Variants in HS3ST3B1 observed in about 807,000 individuals in gnomAD.
HS3ST3B1 encodes heparan sulfate-glucosamine 3-sulfotransferase 3B1.
HS3ST3B1 carries 13 observed loss-of-function variants against 21.3 expected under a neutral mutation model. The ratio of observed to expected loss-of-function variants is 0.61; its 90% confidence interval spans 0.40 to 0.97. The LOEUF (loss-of-function observed/expected upper bound fraction) is 0.97, where lower values mean the gene tolerates loss of function less well. Ranked by LOEUF, HS3ST3B1 falls within the 50% of genes least tolerant of loss-of-function variation. HS3ST3B1 has a pLI of 0.00. For synonymous variants in HS3ST3B1, 234 were observed against 254.8 expected (o/e 0.92, Z 0.78); for missense variants, 459 against 554.8 (o/e 0.83, Z 1.73).
intron 1 of HS3ST3B1, among the ~76,000 whole-genome samples, chr17:14,329,796 T>C (rs1444069619): frequency 2.0e-5 from 3 of 152,370 alleles, no homozygotes; most frequent in Admixed American, 1.3e-4. Context: ...TTGTTGTTAC[T>C]TGAACCTTTA....
intron 1 of HS3ST3B1, among the ~76,000 whole-genome samples, chr17:14,321,032 C>T (rs1269882513): frequency 6.6e-6 from 1 of 152,124 alleles, no homozygotes; most frequent in African/African-American, 2.4e-5. Flanking sequence ...TTTTTCTGAA[C>T]ATCAAAGTAA....
At chr17:14,331,102 T>C (rs535417317) in intron 1 of HS3ST3B1, among the ~76,000 whole-genome samples, 61 of 152,336 alleles carry the variant, frequency 4.0e-4, no homozygotes, top group Admixed American at 1.8e-3. Context: ...TCTTGTTCTT[T>C]CTTTATAATG....
rs969166612 is a variant in HS3ST3B1 at position 14,348,784 on chromosome 17, T to C, written c.*3138T>C. Reference sequence around the variant, plus strand: ...CAACAAAAAAAAATTGAGGTTTTTCTTGTTTCTATCTAGTTCATGCTTTCT... The same window carrying C: ...CAACAAAAAAAAATTGAGGTTTTTCCTGTTTCTATCTAGTTCATGCTTTCT... On this transcript the variant is annotated 3_prime_UTR_variant, in exon 2 of 2. Coordinates refer to ENST00000360954, the MANE Select transcript of HS3ST3B1 (RefSeq NM_006041.3). 2 of 152,254 alleles carry C rather than the reference T, an allele frequency of 1.3e-5. No individual in the cohort carries two copies. The highest frequency in any genetic ancestry group is 2.9e-5 in the Non-Finnish European group (2 of 68,042). 9.4% of individuals were successfully genotyped at this position (152,254 alleles called of 1,614,324 possible).
At chr17:14,336,579 T>TC (rs1420547065) in intron 1 of HS3ST3B1, among the ~76,000 whole-genome samples, 1 of 152,108 alleles carries the variant, frequency 6.6e-6, no homozygotes, top group Non-Finnish European at 1.5e-5. Flanking sequence ...GGACCGCCAT[T>TC]CCCCAGTGGG....
chr17:14,302,976 C>T (rs1292867185), intron 1 of HS3ST3B1, among the ~76,000 whole-genome samples: 2 of 152,170 alleles, frequency 1.3e-5, no homozygotes, highest in East Asian at 3.9e-4. Context: ...GTTCTCGAGT[C>T]GGGTTGCGGG....
chr17:14,341,516 G>A (rs1468450140), intron 1 of HS3ST3B1, among the ~76,000 whole-genome samples: 1 of 152,092 alleles, frequency 6.6e-6, no homozygotes, highest in Non-Finnish European at 1.5e-5. Context: ...AAAGCCCTAG[G>A]AGGCAGACAT....
chr17:14,322,898 C>CTTTTTTTTTTTTTTTTTTTT (rs34065582), intron 1 of HS3ST3B1, among the ~76,000 whole-genome samples: 1 of 94,586 alleles, frequency 1.1e-5, no homozygotes, highest in African/African-American at 3.7e-5. Context: ...GTGTCTATGT[C>CTTTTTTTTTTTTTTTTTTTT]TTTTTTTTTT....
chr17:14,337,931 C>A (rs1389402890), intron 1 of HS3ST3B1, among the ~76,000 whole-genome samples: 1 of 151,752 alleles, frequency 6.6e-6, no homozygotes, highest in Non-Finnish European at 1.5e-5. Flanking sequence ...AAGTTCCAGG[C>A]CCACAGATGC....
intron 1 of HS3ST3B1, among the ~76,000 whole-genome samples, chr17:14,326,293 T>C (rs1213181453): frequency 2.0e-5 from 3 of 152,120 alleles, no homozygotes; most frequent in East Asian, 1.9e-4. Flanking sequence ...TAGAATTCCC[T>C]TGGAGTGAAT....
chr17:14,344,207 T>A (rs1420699730), intron 1 of HS3ST3B1, among the ~76,000 whole-genome samples: 1 of 152,300 alleles, frequency 6.6e-6, no homozygotes, highest in East Asian at 1.9e-4. Flanking sequence ...GCCTGGTTTT[T>A]TTATTATTAT....
intron 1 of HS3ST3B1, among the ~76,000 whole-genome samples, chr17:14,330,389 G>A (rs538417919): frequency 3.3e-4 from 50 of 152,154 alleles, no homozygotes; most frequent in Admixed American, 2.7e-3. Flanking sequence ...TTTTACACGC[G>A]GAGAACTGAG....
Position 14,337,791 on chromosome 17 carries a change from A to G in HS3ST3B1, c.555-7237A>G, listed in dbSNP as rs183640162. 1.2e-4 allele frequency among the ~76,000 whole-genome samples: 18 copies of G among 151,866 alleles called. 1 individual carries two copies. Among genetic ancestry groups the G allele is most frequent in the African/African-American group, 1.7e-4 (7 of 41,160 alleles). On this transcript the variant is annotated intron_variant, in intron 1 of 1. Coordinates refer to ENST00000360954, the MANE Select transcript of HS3ST3B1 (RefSeq NM_006041.3). ...AAATAGCTAGTCTTGGATTAGCTGAACAACTTTCAGTTCTGCTGACAATGT... is the reference window on the plus strand; with the variant it reads ...AAATAGCTAGTCTTGGATTAGCTGAGCAACTTTCAGTTCTGCTGACAATGT...
At chr17:14,343,200 C>T (rs1910442525) in intron 1 of HS3ST3B1, among the ~76,000 whole-genome samples, 1 of 151,596 alleles carries the variant, frequency 6.6e-6, no homozygotes, top group Non-Finnish European at 1.5e-5. Context: ...CGAGATCGCA[C>T]CACTGCACTC....
At position 14,345,052 on chromosome 17, in the gene HS3ST3B1, C is replaced by G; in HGVS notation, c.579C>G (p.Asp193Glu). The change falls in exon 2 of 2, where the codon GAC becomes GAG. Residue 193 changes from aspartate to glutamate, a missense_variant. Coordinates refer to ENST00000360954, the MANE Select transcript of HS3ST3B1 (RefSeq NM_006041.3). ...WYRDLMPRTL[D>E]GQITMEKTPS... Reference sequence around the variant, plus strand: ...GGGACCTGATGCCCAGAACCCTGGACGGGCAGATCACCATGGAGAAGACGC... The same window carrying G: ...GGGACCTGATGCCCAGAACCCTGGAGGGGCAGATCACCATGGAGAAGACGC... 2 of 1,598,780 alleles carry G rather than the reference C, an allele frequency of 1.3e-6. No individual in the cohort carries two copies. Among genetic ancestry groups the G allele is most frequent in the South Asian group, 2.3e-5 (2 of 88,772 alleles).
chr17:14,309,489 C>G (rs1389453792), intron 1 of HS3ST3B1, among the ~76,000 whole-genome samples: 1 of 151,934 alleles, frequency 6.6e-6, no homozygotes, highest in South Asian at 2.1e-4. Context: ...GGTGGAGGGG[C>G]TGCGGAGAGA....
At chr17:14,344,536 G>A (rs1026654200) in intron 1 of HS3ST3B1, among the ~76,000 whole-genome samples, 7 of 152,150 alleles carry the variant, frequency 4.6e-5, no homozygotes, top group East Asian at 1.9e-4. Flanking sequence ...ACAACTGGGC[G>A]GGACCCGAGG....
chr17:14,312,493 C>T (rs1174342517), intron 1 of HS3ST3B1, among the ~76,000 whole-genome samples: 1 of 151,950 alleles, frequency 6.6e-6, no homozygotes, highest in Admixed American at 6.6e-5. Context: ...TTTTTCTGTC[C>T]CTATTCTCTT....
rs71352467 is a variant in HS3ST3B1 at position 14,346,247 on chromosome 17, C to CTTTTTTTTTTTTTTTTTTT, written c.*605_*623dup. ...AGGGACATCCACATCCTTTTTTTTT[C>CTTTTTTTTTTTTTTTTTTT]TTTTTTTTTTTTTTTTTTTTTTGAG... On this transcript the variant is annotated 3_prime_UTR_variant, in exon 2 of 2. Transcript: ENST00000360954. 1 of 90,336 alleles carries CTTTTTTTTTTTTTTTTTTT rather than the reference C, an allele frequency of 1.1e-5. No homozygotes were observed. Among genetic ancestry groups the CTTTTTTTTTTTTTTTTTTT allele is most frequent in the African/African-American group, 4.5e-5 (1 of 22,172 alleles). 5.6% of individuals were successfully genotyped at this position (90,336 alleles called of 1,614,324 possible).
rs1908911415 is a variant in HS3ST3B1 at position 14,301,407 on chromosome 17, A to G, written c.-112A>G. 2.3e-5 allele frequency: 24 copies of G among 1,027,834 alleles called. 1 individual carries two copies. In the South Asian group the frequency reaches 5.1e-4, roughly 22 times the overall value. 63.7% of individuals were successfully genotyped at this position (1,027,834 alleles called of 1,614,324 possible). A position where few individuals can be genotyped will look rare whatever the true frequency, so the allele number is the denominator to read the frequency against. On this transcript the variant is annotated 5_prime_UTR_variant, in exon 1 of 2. The change abolishes the stop of an existing upstream ORF in the 5' untranslated region. Coordinates refer to ENST00000360954, the MANE Select transcript of HS3ST3B1 (RefSeq NM_006041.3). ...CGGCCGCGGGCACACGGGGGCAATA[A>G]ACCGAGCCACCCGGGCGTCCAGCGT... is the stretch of plus-strand genomic sequence containing the variant.
Sources: allele counts gnomAD v4.1 joint callset (sites outside exome capture counted in the v4.1 genomes callset), GRCh38; gene constraint gnomAD v4.1.1; transcripts MANE v1.5; gene names NCBI Gene and HGNC (gene_info 2026-07-23, HGNC 2026-07-21).